RCOR3: variants seen among roughly 807,000 people sequenced by gnomAD.
RCOR3 encodes the protein REST corepressor 3.
In RCOR3, 13 loss-of-function variants were observed where a neutral mutation model predicts 64.1. The observed-to-expected ratio is 0.20, with a 90% CI of 0.13 to 0.32. The LOEUF is 0.32. Ranked by LOEUF, RCOR3 falls within the 10% of genes least tolerant of loss-of-function variation. The pLI, the probability that RCOR3 is intolerant of heterozygous loss-of-function variation, is 1.00. For missense variants in RCOR3, 489 were observed against 701.2 expected (o/e 0.70, Z 3.42); for synonymous variants, 215 against 239.0 (o/e 0.90, Z 0.93).
intron 8 of RCOR3, among the ~76,000 whole-genome samples, chr1:211,294,633 A>C (rs1412984902): frequency 8.1e-6 from 1 of 123,516 alleles, no homozygotes; most frequent in Non-Finnish European, 1.6e-5. Context: ...TGTGTCGCCC[A>C]GGCTGGAGTG....
chr1:211,300,075 T>C lies in RCOR3; in HGVS notation c.1018-4008T>C, dbSNP rs559353987. On this transcript the variant is annotated intron_variant, in intron 9 of 11. Coordinates refer to ENST00000419091, the MANE Select transcript of RCOR3 (RefSeq NM_001136223.3). Reference sequence around the variant, plus strand: ...CATTTTTCTTTTTCTTTCTTTCTTTTTTTTTTTTTTTTTTGAGACACTCTC... The same window carrying C: ...CATTTTTCTTTTTCTTTCTTTCTTTCTTTTTTTTTTTTTTGAGACACTCTC... Among the ~76,000 whole-genome samples, 1,126 of 145,904 alleles carry C rather than the reference T, an allele frequency of 7.7e-3. 13 individuals are homozygous for C. Among genetic ancestry groups the C allele is most frequent in the African/African-American group, 0.025 (1,005 of 39,926 alleles).
intron 10 of RCOR3, among the ~76,000 whole-genome samples, chr1:211,310,517 G>A (rs903545500): frequency 1.3e-5 from 2 of 152,142 alleles, no homozygotes; most frequent in Non-Finnish European, 2.9e-5. Context: ...GCATACCTGG[G>A]TGAGTTAGAA....
intron 2 of RCOR3, among the ~76,000 whole-genome samples, chr1:211,265,679 A>G (rs148610340): frequency 0.035 from 5,321 of 152,242 alleles, 128 homozygotes; most frequent in Non-Finnish European, 0.053. Flanking sequence ...AGATTGCACC[A>G]TTGCACTCCA....
At position 211,289,132 on chromosome 1, in the gene RCOR3, A is replaced by C. The variant is rs777628576; in HGVS notation, c.721-46A>C. 3 of 1,419,900 alleles carry C rather than the reference A, an allele frequency of 2.1e-6. No homozygotes were observed. In the South Asian group the frequency reaches 3.5e-5, roughly 16 times the overall value. The allele number at this position is 1,419,900 out of a possible 1,614,324, so 88.0% of individuals were successfully genotyped here. On this transcript the variant is annotated intron_variant, in intron 7 of 11. Coordinates refer to ENST00000419091, the MANE Select transcript of RCOR3 (RefSeq NM_001136223.3). ...TTAATAGACTGTTTTCACTTTATAC[A>C]TTTGTGAAAACCAAGTGACCTGTTA...
intron 9 of RCOR3, chr1:211,301,696 CATT>C (rs1287301309): frequency 2.6e-5 from 4 of 152,162 alleles, no homozygotes; most frequent in African/African-American, 9.7e-5. Context: ...CCACTTAAAT[CATT>C]GTGACTTTTT....
Position 211,313,280 on chromosome 1 carries a change from A to G in RCOR3, c.1318-144A>G. The G allele has an allele frequency of 7.0e-7, 1 of 1,436,866 alleles. No individual in the cohort carries two copies. The highest frequency in any genetic ancestry group is 9.1e-7 in the Non-Finnish European group (1 of 1,100,410). 89.0% of individuals were successfully genotyped at this position (1,436,866 alleles called of 1,614,324 possible). On this transcript the variant is annotated intron_variant, in intron 11 of 11. Coordinates refer to ENST00000419091, the MANE Select transcript of RCOR3 (RefSeq NM_001136223.3). This position sits in a 1 kb window ranked among gnomAD's most constrained non-coding sequence, Gnocchi z 4.7. The stretch of plus-strand genomic sequence containing the variant: ...GTTTTGTTTTGTTTAAAATAAAAGA[A>G]GCTTGTGCTTCCAATAAACACTGGT...
chr1:211,300,566 G>C (rs1489544468), intron 9 of RCOR3, among the ~76,000 whole-genome samples: 3 of 151,986 alleles, frequency 2.0e-5, no homozygotes, highest in Non-Finnish European at 4.4e-5. Flanking sequence ...TCCCTGGTTT[G>C]TCTTCTATAC....
At chr1:211,292,750 G>T (rs1031225814) in intron 8 of RCOR3, among the ~76,000 whole-genome samples, 1 of 152,100 alleles carries the variant, frequency 6.6e-6, no homozygotes, top group African/African-American at 2.4e-5. Context: ...CCAGTGACCA[G>T]TTAGCCTCAA....
At chr1:211,273,993 G>A (rs528446864) in intron 3 of RCOR3, among the ~76,000 whole-genome samples, 151 of 152,160 alleles carry the variant, frequency 9.9e-4, no homozygotes, top group South Asian at 3.7e-3. Context: ...ATGTGTAGTC[G>A]TAGAGATAAG....
intron 2 of RCOR3, among the ~76,000 whole-genome samples, chr1:211,269,413 T>A (rs1402114349): frequency 6.6e-6 from 1 of 152,030 alleles, no homozygotes; most frequent in East Asian, 1.9e-4. Context: ...CTGGCCAACA[T>A]GATGAAACCC....
At position 211,278,105 on chromosome 1, in the gene RCOR3, A is replaced by G. The variant is rs780877176; in HGVS notation, c.517-12A>G. ...AATTAAACTTGCTGATATTAACATG[A>G]TTTTTTTTAAGCTTCCAGATAAGAC... On this transcript the variant is annotated splice_polypyrimidine_tract_variant and intron_variant, in intron 5 of 11. Transcript: ENST00000419091. 5 of 1,582,136 alleles carry G rather than the reference A, an allele frequency of 3.2e-6. No individual in the cohort carries two copies. Among genetic ancestry groups the G allele is most frequent in the Non-Finnish European group, 3.4e-6 (4 of 1,163,410 alleles).
intron 10 of RCOR3, 56 bp downstream of exon 10, chr1:211,304,196 G>A (rs1700646210): frequency 3.1e-6 from 4 of 1,273,602 alleles, no homozygotes; most frequent in East Asian, 2.6e-5. Flanking sequence ...TGTCATGAAA[G>A]GTGACTACTC....
At chr1:211,259,999 G>A in intron 1 of RCOR3, 109 bp from the exon 2 acceptor site, 1 of 1,081,710 alleles carries the variant, frequency 9.2e-7, no homozygotes, top group Non-Finnish European at 1.1e-6. Flanking sequence ...CCATCCACCC[G>A]CCGCTTCTTT....
At chr1:211,267,785 G>A in intron 2 of RCOR3, 1 of 334,122 alleles carries the variant, frequency 3.0e-6, no homozygotes, top group Non-Finnish European at 5.8e-6. Flanking sequence ...TAGAGACAAG[G>A]TCTTGCTATG....
intron 3 of RCOR3, 57 bp from the exon 4 acceptor site, chr1:211,274,153 A>G (rs2102486576): frequency 8.4e-7 from 1 of 1,197,046 alleles, no homozygotes; most frequent in East Asian, 2.6e-5. Flanking sequence ...ACAAAAGTAG[A>G]CCTAGGTAAA....
chr1:211,291,845 A>G (rs1399545218), intron 8 of RCOR3, among the ~76,000 whole-genome samples: 1 of 152,152 alleles, frequency 6.6e-6, no homozygotes, highest in African/African-American at 2.4e-5. Flanking sequence ...ATGGGCTGAC[A>G]TGGTGGCTCA....
intron 3 of RCOR3, chr1:211,271,685 C>T (rs1019582095): frequency 1.1e-5 from 4 of 357,884 alleles, no homozygotes; most frequent in Non-Finnish European, 2.2e-5. Flanking sequence ...ACTATCATTA[C>T]CATTTTAAAG....
intron 10 of RCOR3, among the ~76,000 whole-genome samples, chr1:211,311,774 G>T (rs1316873073): frequency 6.6e-6 from 1 of 152,044 alleles, no homozygotes; most frequent in African/African-American, 2.4e-5. Context: ...TGAGCTAAGT[G>T]CATCTCCTTC....
At chr1:211,288,348 C>T (rs10863886) in intron 7 of RCOR3, among the ~76,000 whole-genome samples, 143,757 of 150,328 alleles carry the variant, frequency 0.96, 68,803 homozygotes, top group East Asian at 1. Flanking sequence ...GAAATAATGC[C>T]TAAAACTTCA....
Sources: allele counts gnomAD v4.1 joint callset (sites outside exome capture counted in the v4.1 genomes callset), GRCh38; gene constraint gnomAD v4.1.1; non-coding constraint Gnocchi (gnomAD v3.1); transcripts MANE v1.5; gene names NCBI Gene and HGNC (gene_info 2026-07-23, HGNC 2026-07-21).